The following LAMA2 variants were observed in gnomAD, a reference collection of about 807,000 sequenced individuals.
LAMA2 encodes the protein laminin subunit alpha-2.
A neutral mutation model predicts 364.8 loss-of-function variants in LAMA2; 269 were observed. The ratio of observed to expected loss-of-function variants is 0.74; its 90% CI spans 0.67 to 0.82. The LOEUF is 0.82. Ranked by LOEUF, LAMA2 falls within the 40% of genes least tolerant of loss-of-function variation. The pLI is 0.00. For missense variants in LAMA2, 3,807 were observed against 3,873.2 expected, an observed-to-expected ratio of 0.98 and a Z score of 0.45; for synonymous variants, 1,379 against 1,370.6, an observed-to-expected ratio of 1.01 and a Z score of -0.14.
At chr6:128,920,185 T>A (rs1411665743) in intron 1 of LAMA2, among the ~76,000 whole-genome samples, 9 of 150,334 alleles carry the variant, frequency 6.0e-5, no homozygotes, top group Non-Finnish European at 1.3e-4. Context: ...TTTGACGGAG[T>A]CCTGCTCTGT....
At chr6:129,147,921 T>C (rs1583135488) in intron 6 of LAMA2, among the ~76,000 whole-genome samples, 1 of 147,512 alleles carries the variant, frequency 6.8e-6, no homozygotes, top group Non-Finnish European at 1.5e-5. Flanking sequence ...CTTCTTTTTT[T>C]TGTTTTCCAT....
chr6:129,171,206 A>T (rs1780127416), intron 9 of LAMA2, among the ~76,000 whole-genome samples: 1 of 152,172 alleles, frequency 6.6e-6, no homozygotes, highest in African/African-American at 2.4e-5. Context: ...TGTGAATTTG[A>T]TCCTGTCATG....
intron 5 of LAMA2, 101 bp downstream of exon 5, chr6:129,144,181 G>A: frequency 1.2e-6 from 1 of 811,622 alleles, no homozygotes; most frequent in South Asian, 1.7e-5. Context: ...TGTAGGAGTG[G>A]TTATTATCAA....
At chr6:129,415,970 A>G in intron 40 of LAMA2, among the ~76,000 whole-genome samples, 1 of 74,752 alleles carries the variant, frequency 1.3e-5, no homozygotes, top group Non-Finnish European at 2.5e-5. Context: ...TTTTTTTGAG[A>G]CGGAGTCTCG....
intron 1 of LAMA2, among the ~76,000 whole-genome samples, chr6:128,902,464 C>T (rs760451806): frequency 4.3e-4 from 66 of 151,948 alleles, no homozygotes; most frequent in Non-Finnish European, 8.1e-4. Context: ...AACACATAAT[C>T]GAAGCAAGAA....
intron 17 of LAMA2, among the ~76,000 whole-genome samples, chr6:129,272,786 T>A (rs1289466989): frequency 6.6e-6 from 1 of 152,148 alleles, no homozygotes; most frequent in African/African-American, 2.4e-5. Flanking sequence ...GGCATTAGAT[T>A]CTCATAGAAG....
intron 38 of LAMA2, 47 bp downstream of exon 38, chr6:129,401,387 GGAGCC>G (rs1299161722): frequency 8.5e-7 from 1 of 1,178,928 alleles, no homozygotes; most frequent in African/African-American, 1.5e-5. Flanking sequence ...TGAATAAATG[GGAGCC>G]GATGAGAAAG....
At position 129,403,837 on chromosome 6, in the gene LAMA2, A is replaced by G; in HGVS notation, c.5743A>G (p.Lys1915Glu). ...AVLDGILDEA[K>E]NISFNATAAF... ...TCCCACCAGAATCCTTGATGAGGCT[A>G]AAAACATCTCCTTCAATGCCACTGC... Residue 1915 changes from lysine to glutamate, a missense_variant, in exon 40 of 65, where the codon AAA becomes GAA. By Grantham distance (56) the Lys-to-Glu change is moderately conservative. This residue lies in a region of LAMA2 where 3,333 missense variants were observed against 3,345.7 expected (regional missense o/e 1.00). Coordinates refer to ENST00000421865, the MANE Select transcript of LAMA2 (RefSeq NM_000426.4). 6.2e-7 allele frequency: 1 copy of G among 1,613,376 alleles called. No homozygotes were observed. The highest frequency in any genetic ancestry group is 1.3e-5 in the African/African-American group (1 of 75,056).
At chr6:129,237,311 CGTT>C (rs1221373944) in intron 12 of LAMA2, among the ~76,000 whole-genome samples, 6 of 144,202 alleles carry the variant, frequency 4.2e-5, no homozygotes, top group Non-Finnish European at 7.7e-5. Flanking sequence ...TTACTACAAA[CGTT>C]GTTATACATT....
chr6:129,397,382 T>C (rs1248592377), intron 37 of LAMA2, among the ~76,000 whole-genome samples: 3 of 152,186 alleles, frequency 2.0e-5, no homozygotes, highest in Admixed American at 6.5e-5. Flanking sequence ...TCTTTAAGAA[T>C]ATATTATACA....
At chr6:129,371,067 CAT>C (rs1778045217) in intron 34 of LAMA2, among the ~76,000 whole-genome samples, 1 of 152,092 alleles carries the variant, frequency 6.6e-6, no homozygotes, top group Admixed American at 6.5e-5. Context: ...GCATTTATCT[CAT>C]ATTAATTTAA....
chr6:129,038,298 A>C (rs764575880), intron 1 of LAMA2, among the ~76,000 whole-genome samples: 5 of 152,154 alleles, frequency 3.3e-5, no homozygotes, highest in African/African-American at 4.8e-5. Flanking sequence ...TCATTTTGTC[A>C]GTTATAATCA....
chr6:128,975,967 T>C (rs1022651276), intron 1 of LAMA2, among the ~76,000 whole-genome samples: 1 of 152,188 alleles, frequency 6.6e-6, no homozygotes, highest in Non-Finnish European at 1.5e-5. Flanking sequence ...TGAAACGCTT[T>C]GTGAGCCTTG....
At chr6:129,504,115 T>C (rs1296556460) in intron 60 of LAMA2, among the ~76,000 whole-genome samples, 1 of 152,210 alleles carries the variant, frequency 6.6e-6, no homozygotes, top group African/African-American at 2.4e-5. Flanking sequence ...AATGTTAACA[T>C]ACTTTGACTT....
chr6:129,248,726 A>G (rs553746620), intron 12 of LAMA2, among the ~76,000 whole-genome samples: 24 of 152,302 alleles, frequency 1.6e-4, no homozygotes, highest in African/African-American at 5.8e-4. Flanking sequence ...TATATACAAC[A>G]TAAAACTTTT....
chr6:129,270,535 G>C, intron 16 of LAMA2, 89 bp from the exon 17 acceptor site: 1 of 1,286,304 alleles, frequency 7.8e-7, no homozygotes, highest in Non-Finnish European at 1.1e-6. Flanking sequence ...CTGGCAGGGA[G>C]CAGACTAATG....
Position 129,190,302 on chromosome 6 carries a change from G to T in LAMA2, c.1565G>T (p.Gly522Val). The T allele has an allele frequency of 6.2e-7, 1 of 1,613,574 alleles. No homozygotes were observed. The highest frequency in any genetic ancestry group is 1.1e-5 in the South Asian group (1 of 91,068). The change falls in exon 11 of 65, where the codon GGG becomes GTG. Residue 522 changes from glycine to valine, a missense_variant. Around this residue, in one of 3 missense-constraint regions of LAMA2, gnomAD observed 3,333 missense variants for 3,345.7 expected, o/e 1.00. Coordinates refer to ENST00000421865, the MANE Select transcript of LAMA2 (RefSeq NM_000426.4). Reference sequence around the variant, plus strand: ...GGCTGCGATGAGTGTTTCTGTTCAGGGGTTTCAAACAGATGTCAGAGTTCC... The same window carrying T: ...GGCTGCGATGAGTGTTTCTGTTCAGTGGTTTCAAACAGATGTCAGAGTTCC... ...WKGCDECFCS[G>V]VSNRCQSSYW...
At chr6:129,403,015 G>T (rs1780062699) in intron 39 of LAMA2, among the ~76,000 whole-genome samples, 2 of 152,134 alleles carry the variant, frequency 1.3e-5, no homozygotes, top group Non-Finnish European at 2.9e-5. Flanking sequence ...TTATTACAAA[G>T]GTCATAGGAG....
At chr6:129,158,982 C>A in intron 8 of LAMA2, 1 of 1,589,548 alleles carries the variant, frequency 6.3e-7, no homozygotes, top group East Asian at 2.2e-5. Flanking sequence ...AAGGTTACTC[C>A]ATTTTCTGAC....
Sources: gnomAD v4.1 joint callset for allele counts (sites outside exome capture counted in the v4.1 genomes callset) on GRCh38, gnomAD v4.1.1 for gene constraint, gnomAD v4.1.1 regional missense constraint, MANE v1.5 for transcripts, NCBI Gene and HGNC (gene_info 2026-07-23, HGNC 2026-07-21) for gene names.